Variants in PDIA6 observed in about 807,000 individuals in gnomAD.
PDIA6 encodes protein disulfide-isomerase A6.
A neutral mutation model predicts 58.4 loss-of-function variants in PDIA6; 29 were observed. That is an observed-to-expected ratio of 0.50 (90% CI 0.37 to 0.68). PDIA6 has a LOEUF of 0.68. Among genes scored for constraint, PDIA6 ranks in the 30% least tolerant of loss-of-function variants. The pLI is 0.00. For missense variants in PDIA6, 480 were observed against 551.0 expected (o/e 0.87, Z 1.29); for synonymous variants, 192 against 202.6 (o/e 0.95, Z 0.44).
exon 1 of PDIA6, chr2:10,837,535 C>G (rs1321868505): frequency 2.8e-6 from 2 of 719,250 alleles, no homozygotes; most frequent in Non-Finnish European, 5.0e-6. Flanking sequence ...ACGATCCGAG[C>G]GCCGTGCAAG....
intron 1 of PDIA6, among the ~76,000 whole-genome samples, chr2:10,824,568 T>C (rs1204683903): frequency 6.6e-6 from 1 of 152,210 alleles, no homozygotes; most frequent in African/African-American, 2.4e-5. Context: ...AGAGTGAAGC[T>C]CTGGACTTTG....
intron 1 of PDIA6, among the ~76,000 whole-genome samples, chr2:10,804,565 G>T (rs1014266163): frequency 7.7e-6 from 1 of 129,724 alleles, no homozygotes; most frequent in African/African-American, 2.6e-5. Context: ...TGCTGTTTTG[G>T]TTACTGTAGC....
upstream of PDIA6, among the ~76,000 whole-genome samples, chr2:10,813,434 C>T (rs1006563472): frequency 1.3e-5 from 2 of 152,168 alleles, no homozygotes; most frequent in Non-Finnish European, 2.9e-5. Flanking sequence ...GGCGAGGGGG[C>T]TGGCAATGCG....
Position 10,783,955 on chromosome 2 carries a change from C to T in PDIA6, c.*303G>A, listed in dbSNP as rs967557022. On this transcript the variant is annotated 3_prime_UTR_variant, in exon 13 of 13. Coordinates refer to ENST00000272227, the MANE Select transcript of PDIA6 (RefSeq NM_005742.4). ...AAAAAAACCCATACATAAGAAACAG[C>T]CTCCAAGAACATTCAAGCAGCAGTC... 2.6e-5 allele frequency: 6 copies of T among 229,344 alleles called. No homozygotes were observed. The highest frequency in any genetic ancestry group is 5.0e-5 in the Non-Finnish European group (6 of 119,132). The allele number at this position is 229,344 out of a possible 1,614,324, so 14.2% of individuals were successfully genotyped here. A position where few individuals can be genotyped will look rare whatever the true frequency, so the allele number is the denominator to read the frequency against.
At chr2:10,826,626 C>T (rs549488127) in intron 1 of PDIA6, among the ~76,000 whole-genome samples, 9 of 152,344 alleles carry the variant, frequency 5.9e-5, no homozygotes, top group South Asian at 2.1e-4. Flanking sequence ...TCCCAAAGTG[C>T]TGGGATTACA....
At chr2:10,833,493 T>C (rs1367494036), upstream of PDIA6, among the ~76,000 whole-genome samples, 2 of 151,792 alleles carry the variant, frequency 1.3e-5, no homozygotes, top group Non-Finnish European at 2.9e-5. Context: ...CCAAGGGGAG[T>C]GGCCCCCAGA....
chr2:10,790,226 C>T (rs1216547560), intron 7 of PDIA6, among the ~76,000 whole-genome samples: 2 of 151,392 alleles, frequency 1.3e-5, no homozygotes, highest in Non-Finnish European at 2.9e-5. Context: ...TGATCCTTGG[C>T]CTCCCAAAGT....
chr2:10,800,507 A>T (rs183566602), intron 2 of PDIA6, among the ~76,000 whole-genome samples: 156 of 144,622 alleles, frequency 1.1e-3, no homozygotes, highest in Non-Finnish European at 1.9e-3. Flanking sequence ...ATATTTCAAT[A>T]ATCATATTTC....
chr2:10,816,421 C>T (rs1667196532), upstream of PDIA6, among the ~76,000 whole-genome samples: 1 of 148,684 alleles, frequency 6.7e-6, no homozygotes, highest in Admixed American at 6.7e-5. Flanking sequence ...CACCATTTTC[C>T]TCTCTTTTTT....
At chr2:10,789,982 T>A in intron 7 of PDIA6, 93 bp from the exon 8 acceptor site, 1 of 114,418 alleles carries the variant, frequency 8.7e-6, no homozygotes, top group East Asian at 1.6e-4. Context: ...TATAGGTAAT[T>A]TTTTTTTTTT....
rs537206352 is a variant in PDIA6 at position 10,817,902 on chromosome 2, C to T, written c.34+1372G>A. On this transcript the variant is annotated intron_variant, in intron 2 of 13. Coordinates refer to the PDIA6 transcript ENST00000381611. The stretch of plus-strand genomic sequence containing the variant: ...CCACAGGAGTTTAGCTTGACTTTGA[C>T]TAATACAGGGCTTAATGTTCTCAGG... 2.0e-5 allele frequency among the ~76,000 whole-genome samples: 3 copies of T among 152,322 alleles called. No individual in the cohort carries two copies. The East Asian group carries it at 5.8e-4, about 29-fold the overall frequency.
At chr2:10,809,645 CAAAAAAAA>C (rs56308831) in intron 1 of PDIA6, among the ~76,000 whole-genome samples, 3,257 of 64,664 alleles carry the variant, frequency 0.05, 131 homozygotes, top group African/African-American at 0.15. Flanking sequence ...GACCCGGTCT[CAAAAAAAA>C]AAAAAAAAAA....
At chr2:10,820,203 T>A (rs190261406) in intron 1 of PDIA6, among the ~76,000 whole-genome samples, 81 of 152,270 alleles carry the variant, frequency 5.3e-4, no homozygotes, top group African/African-American at 1.9e-3. Flanking sequence ...TAGCTCTCTG[T>A]TATAGAAGGG....
intron 1 of PDIA6, chr2:10,821,171 C>G (rs7571007): frequency 7.2e-6 from 2 of 276,230 alleles, no homozygotes; most frequent in African/African-American, 2.2e-5. Flanking sequence ...CCTTCCTTCC[C>G]CCTCTCTTAC....
intron 11 of PDIA6, among the ~76,000 whole-genome samples, chr2:10,785,528 G>A (rs1418293237): frequency 1.3e-5 from 2 of 152,058 alleles, no homozygotes; most frequent in Non-Finnish European, 2.9e-5. Flanking sequence ...ACCAGAGCCA[G>A]AAATACTGTG....
chr2:10,785,224 T>C, intron 11 of PDIA6, 194 bp from the exon 12 acceptor site: 1 of 536,418 alleles, frequency 1.9e-6, no homozygotes, highest in Non-Finnish European at 3.3e-6. Flanking sequence ...TACAACCAGA[T>C]TCAACATTCC....
At chr2:10,837,220 G>A (rs529550633), upstream of PDIA6, among the ~76,000 whole-genome samples, 4 of 152,298 alleles carry the variant, frequency 2.6e-5, no homozygotes, top group African/African-American at 4.8e-5. Flanking sequence ...CTCCCATGGC[G>A]GCCACGGCCC....
At chr2:10,784,557 C>T (rs1378191037) in intron 12 of PDIA6, 16 of 483,042 alleles carry the variant, frequency 3.3e-5, no homozygotes, top group Middle Eastern at 5.0e-4. Flanking sequence ...ACACTGGAAG[C>T]CACTTGAACG....
chr2:10,801,023 A>G (rs1666488558), intron 2 of PDIA6, among the ~76,000 whole-genome samples: 1 of 152,192 alleles, frequency 6.6e-6, no homozygotes, highest in Non-Finnish European at 1.5e-5. Flanking sequence ...TCACAGCTGT[A>G]ATCCCAGCAC....
Sources: allele counts gnomAD v4.1 joint callset (sites outside exome capture counted in the v4.1 genomes callset), GRCh38; gene constraint gnomAD v4.1.1; transcripts MANE v1.5; gene names NCBI Gene and HGNC (gene_info 2026-07-23, HGNC 2026-07-21).